Variants in RTN4RL1 observed in about 807,000 individuals in gnomAD.
RTN4RL1 encodes the protein reticulon 4 receptor like 1.
A neutral mutation model predicts 25.6 loss-of-function variants in RTN4RL1; 7 were observed. That is an observed-to-expected ratio of 0.27 (90% CI 0.16 to 0.51). The LOEUF (loss-of-function observed/expected upper bound fraction) is 0.51. RTN4RL1 is among the 20% of genes least tolerant of loss of function. The probability of loss-of-function intolerance (pLI) is 0.97; values close to 1 mark genes in which losing one functional copy is unlikely to be tolerated. For synonymous variants in RTN4RL1, 297 were observed against 288.2 expected, an observed-to-expected ratio of 1.03 and a Z score of -0.31; for missense variants, 500 against 615.6, an observed-to-expected ratio of 0.81 and a Z score of 1.99.
chr17:2,016,618 C>T (rs140007531), intron 1 of RTN4RL1, among the ~76,000 whole-genome samples: 12 of 152,316 alleles, frequency 7.9e-5, no homozygotes, highest in Non-Finnish European at 1.5e-4. Context: ...TACAGGGCTG[C>T]GGTGAGAGAC....
In RTN4RL1 at chr17:2,016,655, CAG is replaced by C. The variant is rs557736029; in HGVS notation, c.13+8196_13+8197del. On this transcript the variant is annotated intron_variant, in intron 1 of 1. Transcript: ENST00000331238. ...GAGTCTGGCAGCGTGTGATGAGAGACAGAGAGACGCAGCGTGTGGCATGCGGC... is the reference window on the plus strand; with the variant it reads ...GAGTCTGGCAGCGTGTGATGAGAGACAGAGACGCAGCGTGTGGCATGCGGC... Among the ~76,000 whole-genome samples, 8 of 152,366 alleles carry C rather than the reference CAG, an allele frequency of 5.3e-5. No homozygotes were observed. The South Asian group carries it at 1.5e-3, about 28-fold the overall frequency.
chr17:1,964,881 C>T (rs1597498616), intron 1 of RTN4RL1, among the ~76,000 whole-genome samples: 1 of 147,044 alleles, frequency 6.8e-6, no homozygotes, highest in South Asian at 2.2e-4. Context: ...CTCCGCCTCT[C>T]GTGTTCAAGA....
chr17:1,986,946 G>C (rs1014313094), intron 1 of RTN4RL1, among the ~76,000 whole-genome samples: 1 of 151,838 alleles, frequency 6.6e-6, no homozygotes, highest in Non-Finnish European at 1.5e-5. Context: ...ACATCTCTAA[G>C]CCGCAGCTTC....
At chr17:1,980,056 TTTTTC>T (rs1162073371) in intron 1 of RTN4RL1, among the ~76,000 whole-genome samples, 1 of 151,932 alleles carries the variant, frequency 6.6e-6, no homozygotes, top group Admixed American at 6.6e-5. Context: ...TCAGATATAT[TTTTTC>T]TTTTCTTTTC....
intron 1 of RTN4RL1, among the ~76,000 whole-genome samples, chr17:1,959,761 C>T (rs1452223286): frequency 6.6e-6 from 1 of 152,150 alleles, no homozygotes; most frequent in Non-Finnish European, 1.5e-5. Flanking sequence ...GACGGGGTTT[C>T]GCCATGTGGG....
At chr17:2,012,242 C>A (rs970965252) in intron 1 of RTN4RL1, among the ~76,000 whole-genome samples, 2 of 152,172 alleles carry the variant, frequency 1.3e-5, no homozygotes, top group Admixed American at 6.5e-5. Context: ...CTTTTCCAAG[C>A]GAGAGGTTAT....
intron 1 of RTN4RL1, among the ~76,000 whole-genome samples, chr17:1,964,687 A>G (rs2066781085): frequency 6.6e-6 from 1 of 151,344 alleles, no homozygotes; most frequent in Non-Finnish European, 1.5e-5. Flanking sequence ...AGCCGAGATC[A>G]CACCAGTGCA....
chr17:1,945,230 T>A (rs1206516912), intron 1 of RTN4RL1, among the ~76,000 whole-genome samples: 1 of 152,072 alleles, frequency 6.6e-6, no homozygotes, highest in Non-Finnish European at 1.5e-5. Flanking sequence ...GTGGTTTTGT[T>A]TTTTGTTTTC....
At chr17:1,978,733 G>T (rs145300075) in intron 1 of RTN4RL1, among the ~76,000 whole-genome samples, 1 of 152,226 alleles carries the variant, frequency 6.6e-6, no homozygotes, top group Admixed American at 6.5e-5. Context: ...TCAGCTCAGA[G>T]AAAGAAATGG....
chr17:1,936,513 C>G lies in RTN4RL1; in HGVS notation c.1309G>C (p.Ala437Pro). The G allele has an allele frequency of 1.3e-6, 2 of 1,547,148 alleles. No individual in the cohort carries two copies. Among genetic ancestry groups the G allele is most frequent in the Non-Finnish European group, 1.7e-6 (2 of 1,148,696 alleles). The change falls in exon 2 of 2, where the codon GCG (alanine) becomes CCG (proline). Residue 437 changes from alanine to proline, a missense_variant. Around this residue, in one of 2 missense-constraint regions of RTN4RL1, gnomAD observed 268 missense variants for 274.5 expected, o/e 0.98. Transcript: ENST00000331238. ...ASLLAWTLGL[A>P]VTLR ...CTGGGTCCTCAGCGGAGAGTGACCG[C>G]CAGCCCCAGTGTCCAGGCCAGGAGG...
In RTN4RL1 at chr17:2,007,337, AACACACAC is replaced by A. The variant is rs34669886; in HGVS notation, c.13+17508_13+17515del. Among the ~76,000 whole-genome samples, 42 of 140,394 alleles carry A rather than the reference AACACACAC, an allele frequency of 3.0e-4. 1 individual carries two copies. The highest frequency in any genetic ancestry group is 1.2e-3 in the Admixed American group (16 of 13,682). 92.1% of individuals were successfully genotyped at this position (140,394 alleles called of 152,430 possible). ...AGACCTAGGCCATGTTCACAGCCCC[AACACACAC>A]ACACACACACACACACACACACACA... On this transcript the variant is annotated intron_variant, in intron 1 of 1. Transcript: ENST00000331238.
chr17:1,947,855 G>T (rs1176525066), intron 1 of RTN4RL1, among the ~76,000 whole-genome samples: 1 of 152,236 alleles, frequency 6.6e-6, no homozygotes, highest in Non-Finnish European at 1.5e-5. Context: ...GCAGTGGGAT[G>T]ACCTTGGGAC....
At chr17:1,982,681 G>A (rs561643750) in intron 1 of RTN4RL1, among the ~76,000 whole-genome samples, 3 of 152,142 alleles carry the variant, frequency 2.0e-5, no homozygotes, top group African/African-American at 7.2e-5. Flanking sequence ...CACAAACACC[G>A]GGCCCTCGAC....
chr17:1,960,306 C>T (rs1312956526), intron 1 of RTN4RL1, among the ~76,000 whole-genome samples: 1 of 151,924 alleles, frequency 6.6e-6, no homozygotes, highest in Non-Finnish European at 1.5e-5. Flanking sequence ...CTAAGCACAG[C>T]CAGAAGGATC....
chr17:1,967,405 TCGCCGTCTGTCTGTAGA>T (rs2066796674), intron 1 of RTN4RL1, among the ~76,000 whole-genome samples: 1 of 151,958 alleles, frequency 6.6e-6, no homozygotes, highest in East Asian at 1.9e-4. Context: ...CCACCACGCC[TCGCCGTCTGTCTGTAGA>T]CTCAGATCAA....
chr17:2,015,866 C>T (rs367951385), intron 1 of RTN4RL1, among the ~76,000 whole-genome samples: 3 of 152,294 alleles, frequency 2.0e-5, no homozygotes, highest in East Asian at 3.9e-4. Flanking sequence ...GGACAGCGGA[C>T]AGTCCTCCTT....
At chr17:1,975,617 C>T (rs1031071578) in intron 1 of RTN4RL1, among the ~76,000 whole-genome samples, 1 of 151,984 alleles carries the variant, frequency 6.6e-6, no homozygotes, top group African/African-American at 2.4e-5. Flanking sequence ...CGCCACTGCA[C>T]TCCAGCCTGG....
chr17:1,946,988 T>C (rs12953042), intron 1 of RTN4RL1, among the ~76,000 whole-genome samples: 43 of 122,574 alleles, frequency 3.5e-4, no homozygotes, highest in African/African-American at 1.1e-3. Context: ...TGTGTGTGCA[T>C]GGGGCCTGTG....
At chr17:1,952,933 C>T (rs921611519) in intron 1 of RTN4RL1, among the ~76,000 whole-genome samples, 5 of 151,192 alleles carry the variant, frequency 3.3e-5, no homozygotes, top group African/African-American at 9.7e-5. Context: ...AAAAATTAGT[C>T]GGGTGTGGTG....
Sources: allele counts gnomAD v4.1 joint callset (sites outside exome capture counted in the v4.1 genomes callset), GRCh38; gene constraint gnomAD v4.1.1; regional missense constraint gnomAD v4.1.1; transcripts MANE v1.5; gene names NCBI Gene and HGNC (gene_info 2026-07-23, HGNC 2026-07-21).